Variants in HDAC9 observed in about 807,000 individuals in gnomAD.
HDAC9 encodes MEF-2 interacting transcription repressor (MITR) protein.
Under a neutral mutation model 139.4 loss-of-function variants are expected in HDAC9, and 41 were observed. The ratio of observed to expected loss-of-function variants is 0.29; its 90% CI spans 0.23 to 0.38. HDAC9 has a LOEUF of 0.38. HDAC9 is among the 10% of genes least tolerant of loss of function. The pLI is 1.00. For synonymous variants in HDAC9, 517 were observed against 476.2 expected (o/e 1.09, Z -1.12); for missense variants, 1,147 against 1,297.0 (o/e 0.88, Z 1.78).
At chr7:18,648,151 CTTTA>C (rs1308533521) in intron 10 of HDAC9, among the ~76,000 whole-genome samples, 153 bp downstream of exon 10, 3 of 152,138 alleles carry the variant, frequency 2.0e-5, no homozygotes, top group Non-Finnish European at 4.4e-5. Context: ...AGGCTATCAT[CTTTA>C]TTTATTCCTT....
At chr7:18,596,763 C>T (rs538283545) in intron 6 of HDAC9, among the ~76,000 whole-genome samples, 31 of 152,194 alleles carry the variant, frequency 2.0e-4, no homozygotes, top group African/African-American at 7.0e-4. Flanking sequence ...TGAACTCAAT[C>T]TTAGAGTTAA....
intron 1 of HDAC9, among the ~76,000 whole-genome samples, chr7:18,385,286 C>T (rs1264902959): frequency 6.6e-6 from 1 of 151,914 alleles, no homozygotes; most frequent in Non-Finnish European, 1.5e-5. Context: ...GTTAATGATA[C>T]TAGATAGGTG....
At chr7:18,316,798 C>A (rs1214798472) in intron 1 of HDAC9, among the ~76,000 whole-genome samples, 1 of 151,760 alleles carries the variant, frequency 6.6e-6, no homozygotes, top group East Asian at 1.9e-4. Context: ...GCCTGGGTGA[C>A]AGAGCAAGCC....
chr7:18,421,134 A>C (rs1436325156), intron 1 of HDAC9, among the ~76,000 whole-genome samples: 1 of 152,172 alleles, frequency 6.6e-6, no homozygotes, highest in East Asian at 1.9e-4. Context: ...TGAAAACTAT[A>C]TTGTTAGGTG....
At chr7:18,489,922 C>T (rs568860826) in intron 1 of HDAC9, among the ~76,000 whole-genome samples, 1 of 152,082 alleles carries the variant, frequency 6.6e-6, no homozygotes, top group East Asian at 1.9e-4. Context: ...AAAAGCTGTG[C>T]ACACATGCCC....
In HDAC9 at chr7:18,088,538, T is replaced by A. The variant is rs1211872077; in HGVS notation, c.-97+1325T>A. On this transcript the variant is annotated intron_variant, in intron 1 of 12. Transcript: ENST00000417496. ...TGACATTTGAAAAGGCCTGGATGTT[T>A]TCTGATGCCCCAGAAATCTTTCTAA... 2.6e-5 allele frequency among the ~76,000 whole-genome samples: 4 copies of A among 152,356 alleles called. No individual in the cohort carries two copies. In the East Asian group the frequency reaches 7.7e-4, roughly 29 times the overall value.
intron 22 of HDAC9, among the ~76,000 whole-genome samples, chr7:18,920,928 G>C (rs142895091): frequency 6.6e-6 from 1 of 151,690 alleles, no homozygotes; most frequent in Non-Finnish European, 1.5e-5. Flanking sequence ...AAATAATGCC[G>C]CATATCTACA....
intron 2 of HDAC9, among the ~76,000 whole-genome samples, chr7:18,507,899 G>C (rs529363792): frequency 1.3e-5 from 2 of 152,202 alleles, no homozygotes; most frequent in Non-Finnish European, 2.9e-5. Flanking sequence ...TCAGAGAGTG[G>C]AAATGGAAGC....
intron 1 of HDAC9, among the ~76,000 whole-genome samples, chr7:18,473,342 A>T (rs1447189463): frequency 6.6e-6 from 1 of 152,212 alleles, no homozygotes; most frequent in East Asian, 1.9e-4. Flanking sequence ...ACATTAACTC[A>T]GAGGACTTGT....
chr7:18,823,995 A>AAGG lies in HDAC9; in HGVS notation c.2323-5163_2323-5161dup, dbSNP rs1305710651. 3.7e-4 allele frequency among the ~76,000 whole-genome samples: 56 copies of AAGG among 150,720 alleles called. 1 individual carries two copies. The East Asian group carries it at 0.01, about 28-fold the overall frequency. ...CCTGTGAAAGAAGAAGAAGAAGAAG[A>AAGG]AGGAGAAGGGGAATGGGAAGGGGAA... On this transcript the variant is annotated intron_variant, in intron 17 of 25. Coordinates refer to ENST00000686413, the MANE Select transcript of HDAC9 (RefSeq NM_178425.4).
intron 2 of HDAC9, among the ~76,000 whole-genome samples, chr7:18,561,865 G>A (rs1010384552): frequency 6.6e-6 from 1 of 152,182 alleles, no homozygotes; most frequent in South Asian, 2.1e-4. Flanking sequence ...TATTTGGATT[G>A]TTTCGCCTTT....
chr7:18,730,655 C>T (rs1409583572), intron 13 of HDAC9, among the ~76,000 whole-genome samples: 1 of 152,188 alleles, frequency 6.6e-6, no homozygotes, highest in Non-Finnish European at 1.5e-5. Context: ...CTTAACTAAG[C>T]ACTTTTCACA....
Position 18,623,702 on chromosome 7 carries a change from G to C in HDAC9, c.665-5648G>C, listed in dbSNP as rs1840843751. 2.0e-5 allele frequency among the ~76,000 whole-genome samples: 3 copies of C among 152,254 alleles called. 1 individual carries two copies. The highest frequency in any genetic ancestry group is 2.0e-4 in the Admixed American group (3 of 15,296). On this transcript the variant is annotated intron_variant, in intron 6 of 25. Transcript: ENST00000686413. The stretch of plus-strand genomic sequence containing the variant: ...CTCACGCTTGTAATCCCAACACTTT[G>C]GCAGGCCAAGGCGGGCGGATTACAA...
At chr7:18,168,861 A>G (rs867515928) in intron 2 of HDAC9, among the ~76,000 whole-genome samples, 7 of 134,026 alleles carry the variant, frequency 5.2e-5, no homozygotes, top group African/African-American at 2.0e-4. Flanking sequence ...ACAAGTTCTG[A>G]GGAGGTGCAA....
chr7:18,635,477 C>G (rs1257727513), intron 8 of HDAC9, among the ~76,000 whole-genome samples: 2 of 151,864 alleles, frequency 1.3e-5, no homozygotes, highest in African/African-American at 4.8e-5. Flanking sequence ...ACCAATGATA[C>G]AAGACTAAGA....
At position 18,574,321 on chromosome 7, in the gene HDAC9, G is replaced by A. The variant is rs1447261163; in HGVS notation, c.23-10960G>A. On this transcript the variant is annotated intron_variant, in intron 2 of 25. Coordinates refer to ENST00000686413, the MANE Select transcript of HDAC9 (RefSeq NM_178425.4). ...TCAGTGGAGAGGTGACCTAGAACGG[G>A]TAGCTTCTATCGGCAAGCAGGTCGT... 3.9e-5 allele frequency among the ~76,000 whole-genome samples: 6 copies of A among 152,218 alleles called. No homozygotes were observed. In the East Asian group the frequency reaches 1.2e-3, roughly 29 times the overall value.
intron 12 of HDAC9, among the ~76,000 whole-genome samples, chr7:18,687,834 CA>C (rs539438092): frequency 4.0e-4 from 60 of 151,874 alleles, no homozygotes; most frequent in African/African-American, 1.4e-3. Flanking sequence ...CATTTTTCTT[CA>C]TTGTATATTG....
At chr7:18,533,540 A>G (rs777293673) in intron 2 of HDAC9, among the ~76,000 whole-genome samples, 1 of 152,048 alleles carries the variant, frequency 6.6e-6, no homozygotes, top group Non-Finnish European at 1.5e-5. Flanking sequence ...TCTAGTCCCA[A>G]TTTGACTCTC....
intron 2 of HDAC9, among the ~76,000 whole-genome samples, chr7:18,265,348 A>C (rs186206553): frequency 1.3e-5 from 2 of 152,188 alleles, no homozygotes. Flanking sequence ...GCTATTAGCT[A>C]TCTGCTCATG....
Sources: allele counts gnomAD v4.1 joint callset (sites outside exome capture counted in the v4.1 genomes callset), GRCh38; gene constraint gnomAD v4.1.1; transcripts MANE v1.5; gene names NCBI Gene and HGNC (gene_info 2026-07-23, HGNC 2026-07-21).